The following ASPM variants were observed in gnomAD, a reference collection of about 807,000 sequenced individuals.
ASPM encodes assembly factor for spindle microtubules.
In ASPM, 256 loss-of-function variants were observed where a neutral mutation model predicts 366.4. The observed-to-expected ratio is 0.70, with a 90% CI of 0.63 to 0.77. The LOEUF is 0.77. Ranked by LOEUF, ASPM falls within the 30% of genes least tolerant of loss-of-function variation. The pLI is 0.00. For missense variants in ASPM, 4,146 were observed against 4,090.4 expected, an observed-to-expected ratio of 1.01 and a Z score of -0.37; for synonymous variants, 1,414 against 1,342.9, an observed-to-expected ratio of 1.05 and a Z score of -1.16.
At chr1:197,113,310 C>T (rs1403490102) in intron 17 of ASPM, among the ~76,000 whole-genome samples, 4 of 152,128 alleles carry the variant, frequency 2.6e-5, no homozygotes, top group Non-Finnish European at 5.9e-5. Context: ...GGCTTAATGA[C>T]ATGCAATTTA....
At position 197,142,981 on chromosome 1, in the gene ASPM, T is replaced by G. The variant is rs142702540; in HGVS notation, c.1271A>C (p.Gln424Pro). The G allele has an allele frequency of 3.1e-6, 5 of 1,613,970 alleles. No homozygotes were observed. In the African/African-American group the frequency reaches 5.3e-5, roughly 17 times the overall value. Residue 424 changes from glutamine to proline, a missense_variant, in exon 3 of 28, where the codon CAG becomes CCG. By Grantham distance (76) the Gln-to-Pro change is moderately conservative. Coordinates refer to ENST00000367409, the MANE Select transcript of ASPM (RefSeq NM_018136.5). Reference sequence around the variant, plus strand: ...ACTTTTTCTCCAATCTTCAGGAGACTGTGGGACTTGAGAATTTTCATTTGA... The same window carrying G: ...ACTTTTTCTCCAATCTTCAGGAGACGGTGGGACTTGAGAATTTTCATTTGA... Reference protein sequence around the residue: ...PLSNENSQVPQSPEDWRKSEV... With the variant: ...PLSNENSQVPPSPEDWRKSEV...
chr1:197,130,006 C>T lies in ASPM; in HGVS notation c.2538G>A (p.Gly846=), dbSNP rs1182652356. Residue 846 remains glycine (G), a synonymous_variant, in exon 8 of 28, where the codon GGG becomes GGA. Transcript: ENST00000367409. The stretch of plus-strand genomic sequence containing the variant: ...GGCGATTCAGAATAAACATAGCCAA[C>T]CCTGTGACATCACTGTTATCTTCCA... ...ISLEDNSDVT[G]LAMFILNRLL... is the part of the protein sequence containing the mutation. 1 of 1,613,956 alleles carries T rather than the reference C, an allele frequency of 6.2e-7. No homozygotes were observed. Among genetic ancestry groups the T allele is most frequent in the Admixed American group, 1.7e-5 (1 of 60,022 alleles).
At chr1:197,092,826 C>A (rs1008935443) in intron 21 of ASPM, among the ~76,000 whole-genome samples, 1 of 151,758 alleles carries the variant, frequency 6.6e-6, no homozygotes, top group South Asian at 2.1e-4. Context: ...TTTTATTTTG[C>A]GTCTTTGGTG....
chr1:197,085,424 G>C (rs868728881), intron 27 of ASPM, among the ~76,000 whole-genome samples: 1 of 151,998 alleles, frequency 6.6e-6, no homozygotes, highest in Non-Finnish European at 1.5e-5. Context: ...GTATCAAACC[G>C]AGGGAGTTCA....
chr1:197,102,969 CTTCAAA>C lies in ASPM; in HGVS notation c.6276_6281del (p.Asn2092_Leu2093del), dbSNP rs761635447. On this transcript the variant is annotated inframe_deletion, in exon 18 of 28. Coordinates refer to ENST00000367409, the MANE Select transcript of ASPM (RefSeq NM_018136.5). ...CAGATTGGATTTTAATTGCTGTCTT[CTTCAAA>C]TTAAGATACTCCTTATGCTGATGGT... The C allele has an allele frequency of 3.7e-6, 6 of 1,612,410 alleles. No individual in the cohort carries two copies. Among genetic ancestry groups the C allele is most frequent in the Non-Finnish European group, 5.1e-6 (6 of 1,179,086 alleles).
At chr1:197,099,382 TTTTA>T (rs1657084610) in intron 18 of ASPM, among the ~76,000 whole-genome samples, 1 of 151,630 alleles carries the variant, frequency 6.6e-6, no homozygotes, top group Admixed American at 6.6e-5. Flanking sequence ...CCATATCACT[TTTTA>T]TTGTTTCTAG....
At position 197,122,475 on chromosome 1, in the gene ASPM, A is replaced by T; in HGVS notation, c.3511T>A (p.Cys1171Ser). 1 of 1,613,868 alleles carries T rather than the reference A, an allele frequency of 6.2e-7. No individual in the cohort carries two copies. The highest frequency in any genetic ancestry group is 8.5e-7 in the Non-Finnish European group (1 of 1,179,820). ...AATACCACTGAACCAGTTTGCGTAC[A>T]TTCCACAGTTTGAGTAGTACGCTGA... Reference protein sequence around the residue: ...ICQRTTQTVECTQTGSVVLNS... With the variant: ...ICQRTTQTVESTQTGSVVLNS... Residue 1171 changes from cysteine to serine, a missense_variant, in exon 14 of 28, where the codon TGT becomes AGT. Transcript: ENST00000367409.
chr1:197,144,240 A>G (rs1038592678), intron 1 of ASPM, 140 bp from the exon 2 acceptor site: 13 of 610,140 alleles, frequency 2.1e-5, no homozygotes, highest in Non-Finnish European at 3.3e-5. Flanking sequence ...TAAATCAAAT[A>G]TATTTCTCCT....
At chr1:197,113,973 G>T (rs920450388) in intron 17 of ASPM, among the ~76,000 whole-genome samples, 18 of 152,152 alleles carry the variant, frequency 1.2e-4, no homozygotes, top group Admixed American at 1.0e-3. Flanking sequence ...CATGTGAATG[G>T]TCATAAACAC....
rs760223682 is a variant in ASPM at position 197,100,667 on chromosome 1, C to A, written c.8584G>T (p.Ala2862Ser). The A allele has an allele frequency of 6.2e-7, 1 of 1,612,300 alleles. No homozygotes were observed. Among genetic ancestry groups the A allele is most frequent in the East Asian group, 2.2e-5 (1 of 44,796 alleles). ...AAATAATGCTGTAAAGTGATAGCAG[C>A]TCTTTTCTGCTGAACAAATCTTCTC... ...YRRRFVQQKR[A>S]AITLQHYFRT... Residue 2862 changes from alanine to serine, a missense_variant, in exon 18 of 28, where the codon GCT becomes TCT. By Grantham distance (99) the Ala-to-Ser change is moderately conservative. This residue lies in a region of ASPM where 3,624 missense variants were observed against 3,591.7 expected (regional missense o/e 1.01). Transcript: ENST00000367409.
At position 197,143,096 on chromosome 1, in the gene ASPM, ACT is replaced by A. The variant is rs199422137; in HGVS notation, c.1154_1155del (p.Glu385ValfsTer3). 6.2e-6 allele frequency: 10 copies of A among 1,612,928 alleles called. No individual in the cohort carries two copies. In the Admixed American group the frequency reaches 1.5e-4, roughly 24 times the overall value. On this transcript the variant is annotated frameshift_variant, in exon 3 of 28. Coordinates refer to ENST00000367409, the MANE Select transcript of ASPM (RefSeq NM_018136.5). LOFTEE classifies it high-confidence loss of function. Reference sequence around the variant, plus strand: ...TTAGGGGATAAAATAGGATTAACTGACTCTGATTCTAGATCCTGATTTAGTCC... The same window carrying A: ...TTAGGGGATAAAATAGGATTAACTGACTGATTCTAGATCCTGATTTAGTCC... ...NYGLNQDLES[E>X]SVNPILSPNQ...
chr1:197,142,580 A>G lies in ASPM; in HGVS notation c.1672T>C (p.Tyr558His), dbSNP rs1386556330. The G allele has an allele frequency of 1.2e-6, 2 of 1,613,644 alleles. No homozygotes were observed. The highest frequency in any genetic ancestry group is 2.7e-5 in the African/African-American group (2 of 74,930). Residue 558 changes from tyrosine to histidine, a missense_variant, in exon 3 of 28, where the codon TAT becomes CAT. Transcript: ENST00000367409. Reference protein sequence around the residue: ...IDPILSKSKSYKNEVTPSSTT... With the variant: ...IDPILSKSKSHKNEVTPSSTT... ...GAAGAGGGTGTTACCTCGTTTTTATAACTCTTAGATTTACTTAATATTGGA... is the reference window on the plus strand; with the variant it reads ...GAAGAGGGTGTTACCTCGTTTTTATGACTCTTAGATTTACTTAATATTGGA...
chr1:197,119,421 G>C (rs2125103137), intron 16 of ASPM, among the ~76,000 whole-genome samples: 1 of 152,214 alleles, frequency 6.6e-6, no homozygotes, highest in African/African-American at 2.4e-5. Flanking sequence ...GTAAGGGTCA[G>C]GGCATTCATG....
chr1:197,107,307 T>C (rs1293024325), intron 17 of ASPM, among the ~76,000 whole-genome samples: 2 of 152,096 alleles, frequency 1.3e-5, no homozygotes, highest in South Asian at 4.1e-4. Flanking sequence ...GGGTGTTACA[T>C]AATGAAACTG....
At chr1:197,139,930 C>A in intron 3 of ASPM, 59 bp from the exon 4 acceptor site, 2 of 1,210,094 alleles carry the variant, frequency 1.7e-6, no homozygotes, top group Non-Finnish European at 2.4e-6. Flanking sequence ...CTAAATAGGT[C>A]AGTGATTTGA....
Position 197,090,259 on chromosome 1 carries a change from C to CAA in ASPM, c.9764_9765dup (p.Ala3256LeufsTer7). 1 of 1,613,472 alleles carries CAA rather than the reference C, an allele frequency of 6.2e-7. No homozygotes were observed. The highest frequency in any genetic ancestry group is 8.5e-7 in the Non-Finnish European group (1 of 1,179,674). On this transcript the variant is annotated frameshift_variant, in exon 24 of 28. Transcript: ENST00000367409. LOFTEE classifies it high-confidence loss of function. ...TTATATGTCAAAAGGTAATGAAGTG[C>CAA]AAGTGCAGTTCTTTTGTAGAGTTTG...
At chr1:197,139,341 A>AATCC (rs1022184286) in intron 4 of ASPM, 6 of 662,828 alleles carry the variant, frequency 9.1e-6, no homozygotes, top group Non-Finnish European at 1.3e-5. Flanking sequence ...TCACGCCTGA[A>AATCC]ATCCCAGCAC....
chr1:197,090,481 AATTTATTTG>A (rs1156252374), intron 23 of ASPM, 93 bp from the exon 24 acceptor site: 16 of 1,034,172 alleles, frequency 1.5e-5, no homozygotes, highest in Non-Finnish European at 2.1e-5. Flanking sequence ...ATTTTCAGTA[AATTTATTTG>A]ACATGATCAC....
chr1:197,105,020 T>C lies in ASPM; in HGVS notation c.4231A>G (p.Lys1411Glu), dbSNP rs1657365531. 1 of 1,610,820 alleles carries C rather than the reference T, an allele frequency of 6.2e-7. No homozygotes were observed. Among genetic ancestry groups the C allele is most frequent in the East Asian group, 2.2e-5 (1 of 44,740 alleles). Residue 1411 changes from lysine to glutamate, a missense_variant, in exon 18 of 28, where the codon AAA (lysine) becomes GAA (glutamate). This residue lies in a region of ASPM where 3,624 missense variants were observed against 3,591.7 expected (regional missense o/e 1.01). Coordinates refer to ENST00000367409, the MANE Select transcript of ASPM (RefSeq NM_018136.5). The stretch of plus-strand genomic sequence containing the variant: ...ATTTCATATCTTTGTTGATCTTGTT[T>C]TCTTCTTAAATAAGCACGCCAATGC... ...QRHWRAYLRR[K>E]QDQQRYEMLK... is the part of the protein sequence containing the mutation.
Sources: gnomAD v4.1 joint callset for allele counts (sites outside exome capture counted in the v4.1 genomes callset) on GRCh38, gnomAD v4.1.1 for gene constraint, gnomAD v4.1.1 regional missense constraint, MANE v1.5 for transcripts, NCBI Gene and HGNC (gene_info 2026-07-23, HGNC 2026-07-21) for gene names.